The following SRBD1 variants were observed in gnomAD, a reference collection of about 807,000 sequenced individuals.
The protein encoded by SRBD1 is S1 RNA-binding domain-containing protein 1.
Under a neutral mutation model 115.3 loss-of-function variants are expected in SRBD1, and 88 were observed. That is an observed-to-expected ratio of 0.76 (90% confidence interval 0.64 to 0.91). SRBD1 has a LOEUF of 0.91. Among genes scored for constraint, SRBD1 ranks in the 40% least tolerant of loss-of-function variants. SRBD1 has a pLI of 0.00. For missense variants in SRBD1, 1,385 were observed against 1,177.4 expected (o/e 1.18, Z -2.58); for synonymous variants, 509 against 407.7 (o/e 1.25, Z -2.99).
chr2:45,489,149 T>A (rs1467409320), intron 14 of SRBD1, among the ~76,000 whole-genome samples: 1 of 152,244 alleles, frequency 6.6e-6, no homozygotes, highest in East Asian at 1.9e-4. Context: ...AGAGTTCTCC[T>A]TTATGACATG....
intron 10 of SRBD1, among the ~76,000 whole-genome samples, chr2:45,559,636 G>T (rs1672597386): frequency 6.6e-6 from 1 of 151,842 alleles, no homozygotes; most frequent in African/African-American, 2.4e-5. Context: ...TAGGGAAAAA[G>T]AGAGTAAAAA....
chr2:45,459,777 C>G (rs1423994342), intron 16 of SRBD1, among the ~76,000 whole-genome samples: 1 of 152,100 alleles, frequency 6.6e-6, no homozygotes. Flanking sequence ...GGTGACATGA[C>G]ACATGAGTAG....
At chr2:45,397,869 GA>G (rs1335409218) in intron 19 of SRBD1, among the ~76,000 whole-genome samples, 2 of 152,178 alleles carry the variant, frequency 1.3e-5, no homozygotes, top group Non-Finnish European at 2.9e-5. Flanking sequence ...AAAGTGCTGG[GA>G]TAACAGGTGT....
chr2:45,554,196 G>T (rs775146059), intron 10 of SRBD1, among the ~76,000 whole-genome samples: 2 of 152,120 alleles, frequency 1.3e-5, no homozygotes, highest in Non-Finnish European at 2.9e-5. Context: ...ATAACAGAGG[G>T]CTTGCTCTTT....
In SRBD1 at chr2:45,488,230, A is replaced by T. The variant is rs1051039598; in HGVS notation, c.1966+10T>A. ...ATCACATGTTTTTGTGATGGTCCATAGTTTCTTACCTGCACTTCTCAAATT... is the reference window on the plus strand; with the variant it reads ...ATCACATGTTTTTGTGATGGTCCATTGTTTCTTACCTGCACTTCTCAAATT... On this transcript the variant is annotated intron_variant, in intron 15 of 20. Transcript: ENST00000263736. The T allele has an allele frequency of 6.2e-6, 10 of 1,611,118 alleles. No individual in the cohort carries two copies. Among genetic ancestry groups the T allele is most frequent in the Non-Finnish European group, 8.5e-6 (10 of 1,177,538 alleles).
chr2:45,419,949 T>C lies in SRBD1; in HGVS notation c.2050-55A>G, dbSNP rs140375769. On this transcript the variant is annotated intron_variant, in intron 16 of 20. Coordinates refer to ENST00000263736, the MANE Select transcript of SRBD1 (RefSeq NM_018079.5). ...TGAAGGAGATGTAGTTCTTGGACTA[T>C]TCCATTACTCTGCCTATATTACTGG... is the stretch of plus-strand genomic sequence containing the variant. 6.8e-3 allele frequency: 10,023 copies of C among 1,479,174 alleles called. 44 individuals are homozygous for C. Among genetic ancestry groups the C allele is most frequent in the Non-Finnish European group, 7.5e-3 (7,972 of 1,067,084 alleles). The allele number at this position is 1,479,174 out of a possible 1,614,324, so 91.6% of individuals were successfully genotyped here. A position where few individuals can be genotyped will look rare whatever the true frequency, so the allele number is the denominator to read the frequency against.
chr2:45,547,654 C>G (rs1206174268), intron 12 of SRBD1, 42 bp from the exon 13 acceptor site: 3 of 1,498,230 alleles, frequency 2.0e-6, no homozygotes, highest in East Asian at 2.3e-5. Context: ...TAAGAAATTA[C>G]AAAGTGAAAC....
intron 14 of SRBD1, among the ~76,000 whole-genome samples, chr2:45,515,676 C>T (rs1025540252): frequency 6.6e-6 from 1 of 152,150 alleles, no homozygotes; most frequent in Admixed American, 6.6e-5. Flanking sequence ...GATCACTATG[C>T]TGTTTCTCCT....
chr2:45,529,461 T>C (rs540098978), intron 14 of SRBD1, among the ~76,000 whole-genome samples: 1 of 151,972 alleles, frequency 6.6e-6, no homozygotes, highest in South Asian at 2.1e-4. Context: ...CCAAAAACCT[T>C]GAATGAGAAA....
At chr2:45,467,161 ATTGATGCTGCTAGTCTACTGACTGTATT>A (rs1399463493) in intron 16 of SRBD1, among the ~76,000 whole-genome samples, 9 of 152,312 alleles carry the variant, frequency 5.9e-5, no homozygotes, top group African/African-American at 2.2e-4. Flanking sequence ...GTCAGATGAT[ATTGATGCTGCTAGTCTACTGACTGTATT>A]TTCAGAACTA....
intron 16 of SRBD1, among the ~76,000 whole-genome samples, chr2:45,430,775 A>G (rs1192777032): frequency 6.6e-6 from 1 of 152,236 alleles, no homozygotes; most frequent in Non-Finnish European, 1.5e-5. Context: ...AATGGCAACA[A>G]AAGCAAAAAT....
chr2:45,424,395 G>T (rs1454770086), intron 16 of SRBD1, among the ~76,000 whole-genome samples: 1 of 151,914 alleles, frequency 6.6e-6, no homozygotes, highest in Non-Finnish European at 1.5e-5. Flanking sequence ...TGTGTAAAAA[G>T]GTATTTTTAA....
At chr2:45,433,645 T>G (rs905431207) in intron 16 of SRBD1, among the ~76,000 whole-genome samples, 1 of 152,200 alleles carries the variant, frequency 6.6e-6, no homozygotes, top group Admixed American at 6.5e-5. Flanking sequence ...AGAAAGCTCC[T>G]CCTCCAATTA....
intron 2 of SRBD1, 82 bp downstream of exon 2, chr2:45,605,280 G>A: frequency 7.4e-7 from 1 of 1,357,372 alleles, no homozygotes; most frequent in Admixed American, 2.0e-5. Context: ...ATCACTTAAG[G>A]AGTTAGAAAG....
At chr2:45,525,477 C>G (rs1379664410) in intron 14 of SRBD1, among the ~76,000 whole-genome samples, 1 of 151,850 alleles carries the variant, frequency 6.6e-6, no homozygotes, top group Non-Finnish European at 1.5e-5. Context: ...AAAATAGTAA[C>G]AGTTTCAGTT....
intron 19 of SRBD1, among the ~76,000 whole-genome samples, chr2:45,399,968 A>T (rs1294026157): frequency 6.6e-6 from 1 of 152,210 alleles, no homozygotes; most frequent in East Asian, 1.9e-4. Flanking sequence ...AGCTGAAATT[A>T]AACAGACCTT....
In SRBD1 at chr2:45,532,162, C is replaced by CCACCATCAG. The variant is rs138369493; in HGVS notation, c.1874+14561_1874+14569dup. The stretch of plus-strand genomic sequence containing the variant: ...AACTTTTGCCATGCCGCTGCCATCA[C>CCACCATCAG]CACCATCAGCACCATCAGCACCATC... On this transcript the variant is annotated intron_variant, in intron 14 of 20. Transcript: ENST00000263736. Among the ~76,000 whole-genome samples the CCACCATCAG allele has an allele frequency of 5.8e-4, 88 of 151,666 alleles. 1 individual carries two copies. The highest frequency in any genetic ancestry group is 2.0e-3 in the African/African-American group (83 of 41,462).
chr2:45,532,347 T>C (rs1179394246), intron 14 of SRBD1, among the ~76,000 whole-genome samples: 1 of 151,864 alleles, frequency 6.6e-6, no homozygotes, highest in Non-Finnish European at 1.5e-5. Flanking sequence ...GGCGCTTTGA[T>C]GTTGGCTATC....
chr2:45,400,558 CA>C (rs1667265268), intron 19 of SRBD1, among the ~76,000 whole-genome samples: 1 of 152,006 alleles, frequency 6.6e-6, no homozygotes, highest in Admixed American at 6.6e-5. Flanking sequence ...AAATTACATC[CA>C]GATCACATGA....
Sources: allele counts gnomAD v4.1 joint callset (sites outside exome capture counted in the v4.1 genomes callset), GRCh38; gene constraint gnomAD v4.1.1; transcripts MANE v1.5; gene names NCBI Gene and HGNC (gene_info 2026-07-23, HGNC 2026-07-21).